MYO5A: variants seen among roughly 807,000 people sequenced by gnomAD.
MYO5A encodes myosin VA, also known as unconventional myosin-Va.
In MYO5A, 98 loss-of-function variants were observed where a neutral mutation model predicts 249.7. That is an observed-to-expected ratio of 0.39 (90% CI 0.33 to 0.46). MYO5A has a LOEUF of 0.46. Ranked by LOEUF, MYO5A falls within the 20% of genes least tolerant of loss-of-function variation. MYO5A has a pLI of 0.98. For missense variants in MYO5A, 1,696 were observed against 2,308.8 expected (o/e 0.73, Z 5.44); for synonymous variants, 778 against 810.6 (o/e 0.96, Z 0.68).
chr15:52,365,456 A>G (rs138633455), intron 23 of MYO5A, among the ~76,000 whole-genome samples: 87 of 152,324 alleles, frequency 5.7e-4, no homozygotes, highest in African/African-American at 2.0e-3. Context: ...CAAAACCTCA[A>G]ATCTCAGCTG....
At chr15:52,446,676 T>A (rs1043508179) in intron 1 of MYO5A, among the ~76,000 whole-genome samples, 1 of 152,124 alleles carries the variant, frequency 6.6e-6, no homozygotes, top group African/African-American at 2.4e-5. Context: ...CTCCAACCCA[T>A]AAGAACAGCC....
intron 2 of MYO5A, among the ~76,000 whole-genome samples, chr15:52,428,856 T>C (rs2075454542): frequency 6.6e-6 from 1 of 152,202 alleles, no homozygotes; most frequent in Non-Finnish European, 1.5e-5. Context: ...AACTTTTAAA[T>C]ATGTTTCTCT....
At chr15:52,416,737 A>C (rs2043515528) in intron 4 of MYO5A, among the ~76,000 whole-genome samples, 1 of 152,234 alleles carries the variant, frequency 6.6e-6, no homozygotes, top group African/African-American at 2.4e-5. Context: ...TCAAGAAAAA[A>C]CATGTTTTAT....
intron 16 of MYO5A, among the ~76,000 whole-genome samples, chr15:52,381,870 T>C (rs1046252139): frequency 1.3e-5 from 2 of 152,016 alleles, no homozygotes; most frequent in Non-Finnish European, 2.9e-5. Flanking sequence ...TAATACCAGT[T>C]ATCTCTCTGG....
Position 52,308,284 on chromosome 15 carries a change from G to A in MYO5A, c.*5412C>T, listed in dbSNP as rs971029212. On this transcript the variant is annotated 3_prime_UTR_variant, in exon 42 of 42. Coordinates refer to ENST00000399233, the MANE Select transcript of MYO5A (RefSeq NM_001382347.1). ...AAGATATTTTACATAGTATTTTTCAGTTCCTCATCTATTGAGAAATCTACT... is the reference window on the plus strand; with the variant it reads ...AAGATATTTTACATAGTATTTTTCAATTCCTCATCTATTGAGAAATCTACT... 2.0e-5 allele frequency: 3 copies of A among 152,134 alleles called. No homozygotes were observed. The highest frequency in any genetic ancestry group is 7.2e-5 in the African/African-American group (3 of 41,428). The allele number at this position is 152,134 out of a possible 1,614,324, so 9.4% of individuals were successfully genotyped here. A position where few individuals can be genotyped will look rare whatever the true frequency, so the allele number is the denominator to read the frequency against.
At position 52,379,361 on chromosome 15, in the gene MYO5A, C is replaced by T. The variant is rs549172924; in HGVS notation, c.2208+264G>A. ...GCCTGGTGTCTTCTAGATGTAAGTA[C>T]TAGGTACACTTTTATCAATAATAAT... On this transcript the variant is annotated intron_variant, in intron 18 of 41. Transcript: ENST00000399233. 4.6e-5 allele frequency among the ~76,000 whole-genome samples: 7 copies of T among 152,284 alleles called. No homozygotes were observed. The South Asian group carries it at 1.4e-3, about 32-fold the overall frequency.
chr15:52,324,555 G>A lies in MYO5A; in HGVS notation c.4711-1111C>T, dbSNP rs557852469. Among the ~76,000 whole-genome samples the A allele has an allele frequency of 2.6e-5, 4 of 152,262 alleles. No homozygotes were observed. In the East Asian group the frequency reaches 7.7e-4, roughly 29 times the overall value. ...CTAGGACAGATGCCTAGCATCAAAT[G>A]GTCTTAGAAGCTAATTTTTTTTTGC... On this transcript the variant is annotated intron_variant, in intron 36 of 41. Coordinates refer to ENST00000399233, the MANE Select transcript of MYO5A (RefSeq NM_001382347.1).
At chr15:52,384,875 TAA>T (rs1271893699) in intron 14 of MYO5A, among the ~76,000 whole-genome samples, 1 of 152,220 alleles carries the variant, frequency 6.6e-6, no homozygotes, top group Non-Finnish European at 1.5e-5. Flanking sequence ...TAGAAGGTTT[TAA>T]AAGTTATGAA....
intron 1 of MYO5A, among the ~76,000 whole-genome samples, chr15:52,523,275 T>C (rs1372566251): frequency 6.6e-6 from 1 of 152,228 alleles, no homozygotes; most frequent in Non-Finnish European, 1.5e-5. Context: ...TTCCTGAAAG[T>C]TTCCTGGTCT....
intron 36 of MYO5A, among the ~76,000 whole-genome samples, chr15:52,324,129 T>C (rs1327373686): frequency 1.3e-5 from 2 of 149,244 alleles, no homozygotes; most frequent in Non-Finnish European, 3.0e-5. Context: ...ATAACAAATA[T>C]TGTGATAAAG....
intron 22 of MYO5A, among the ~76,000 whole-genome samples, chr15:52,368,328 G>C (rs1377806223): frequency 6.6e-6 from 1 of 152,104 alleles, no homozygotes; most frequent in Admixed American, 6.6e-5. Context: ...GCTCTCTGTG[G>C]GCTTTCAGGA....
At chr15:52,415,852 G>C (rs2043457525) in intron 5 of MYO5A, among the ~76,000 whole-genome samples, 1 of 152,158 alleles carries the variant, frequency 6.6e-6, no homozygotes, top group Admixed American at 6.5e-5. Context: ...AGTTAATGAG[G>C]AGAAGGAAAC....
Position 52,340,235 on chromosome 15 carries a change from G to A in MYO5A, c.4200C>T (p.Ser1400=). 1.2e-6 allele frequency: 2 copies of A among 1,614,110 alleles called. No homozygotes were observed. Among genetic ancestry groups the A allele is most frequent in the Non-Finnish European group, 1.7e-6 (2 of 1,180,016 alleles). Residue 1400 remains serine (S), a synonymous_variant, in exon 32 of 42, where the codon AGC becomes AGT. Coordinates refer to ENST00000399233, the MANE Select transcript of MYO5A (RefSeq NM_001382347.1). ...TCAGCCGGGTGATCTCGTGCTGCAG[G>A]CTGGCCTCAATGCGGGCCTCTGGGG... ...QLPPEARIEA[S]LQHEITRLTN... is the part of the protein sequence containing the mutation.
At chr15:52,371,394 T>C (rs1471271454) in intron 21 of MYO5A, among the ~76,000 whole-genome samples, 1 of 152,258 alleles carries the variant, frequency 6.6e-6, no homozygotes, top group Non-Finnish European at 1.5e-5. Context: ...ATTTTCCTGA[T>C]GCTTTTGCTA....
intron 25 of MYO5A, among the ~76,000 whole-genome samples, chr15:52,358,098 G>A (rs2040336026): frequency 2.0e-5 from 3 of 152,196 alleles, no homozygotes; most frequent in South Asian, 4.1e-4. Context: ...AGCAGGAGGA[G>A]CACTGGTTCC....
chr15:52,477,226 A>G (rs1419803554), intron 1 of MYO5A, among the ~76,000 whole-genome samples: 2 of 152,126 alleles, frequency 1.3e-5, no homozygotes, highest in Non-Finnish European at 2.9e-5. Context: ...TTCTTGTGCC[A>G]TGGTTTTCAG....
chr15:52,400,298 C>T (rs892852255), intron 9 of MYO5A, among the ~76,000 whole-genome samples: 3 of 151,984 alleles, frequency 2.0e-5, no homozygotes, highest in African/African-American at 7.2e-5. Context: ...CTCTGTTATC[C>T]AATACTTTAG....
intron 24 of MYO5A, among the ~76,000 whole-genome samples, chr15:52,360,933 G>T (rs1958908847): frequency 6.6e-6 from 1 of 152,124 alleles, no homozygotes. Context: ...GCTTCACAAA[G>T]GCCTCTGAGA....
chr15:52,317,826 A>T (rs1269625866), intron 39 of MYO5A, among the ~76,000 whole-genome samples: 1 of 152,230 alleles, frequency 6.6e-6, no homozygotes, highest in South Asian at 2.1e-4. Flanking sequence ...CAAACTACAA[A>T]GACATTGTAG....
Sources: gnomAD v4.1 joint callset for allele counts (sites outside exome capture counted in the v4.1 genomes callset) on GRCh38, gnomAD v4.1.1 for gene constraint, MANE v1.5 for transcripts, NCBI Gene and HGNC (gene_info 2026-07-23, HGNC 2026-07-21) for gene names.